Variants in ZFHX4 observed in about 807,000 individuals in gnomAD.
The protein encoded by ZFHX4 is zinc finger homeobox protein 4.
ZFHX4 carries 56 observed loss-of-function variants against 267.6 expected under a neutral mutation model. That is an observed-to-expected ratio of 0.21 (90% CI 0.17 to 0.26). The LOEUF (loss-of-function observed/expected upper bound fraction) is 0.26, where lower values mean the gene tolerates loss of function less well. Ranked by LOEUF, ZFHX4 falls within the 10% of genes least tolerant of loss-of-function variation. The probability of loss-of-function intolerance (pLI) is 1.00; values close to 1 mark genes in which losing one functional copy is unlikely to be tolerated. For synonymous variants in ZFHX4, 1,778 were observed against 1,665.6 expected, an observed-to-expected ratio of 1.07 and a Z score of -1.64; for missense variants, 4,332 against 4,420.0, an observed-to-expected ratio of 0.98 and a Z score of 0.56.
Position 76,705,781 on chromosome 8 carries a change from A to G in ZFHX4, c.1693A>G (p.Ser565Gly). Residue 565 changes from serine to glycine, a missense_variant, in exon 2 of 11, where the codon AGT becomes GGT. By Grantham distance (56) the Ser-to-Gly change is moderately conservative. This residue lies in a region of ZFHX4 where 1,195 missense variants were observed against 1,173.6 expected (regional missense o/e 1.02). Coordinates refer to ENST00000651372, the MANE Select transcript of ZFHX4 (RefSeq NM_024721.5). ...CAAGGACTTTGCAGACGCAAGTGCC[A>G]GTAAAGACAGTGCCACAGCTGCTCA... ...SGKDFADASA[S>G]KDSATAAHPS... The G allele has an allele frequency of 1.2e-6, 2 of 1,614,026 alleles. No homozygotes were observed. The highest frequency in any genetic ancestry group is 1.7e-6 in the Non-Finnish European group (2 of 1,179,898).
At chr8:76,732,024 T>G (rs1211399297) in intron 3 of ZFHX4, among the ~76,000 whole-genome samples, 1 of 152,046 alleles carries the variant, frequency 6.6e-6, no homozygotes, top group African/African-American at 2.4e-5. Flanking sequence ...GTATTTTTAG[T>G]AGAGACAGGA....
chr8:76,764,531 A>C (rs182325374), intron 3 of ZFHX4, among the ~76,000 whole-genome samples: 1 of 152,212 alleles, frequency 6.6e-6, no homozygotes, highest in Non-Finnish European at 1.5e-5. Context: ...TATTGAAAAC[A>C]ATGGTCTTGA....
chr8:76,818,420 G>A (rs1811561013), intron 4 of ZFHX4, among the ~76,000 whole-genome samples: 2 of 152,162 alleles, frequency 1.3e-5, no homozygotes, highest in African/African-American at 4.8e-5. Context: ...ATTATGGAAT[G>A]CCTTGAAGAC....
intron 3 of ZFHX4, among the ~76,000 whole-genome samples, chr8:76,762,526 C>T (rs1487806388): frequency 2.0e-5 from 3 of 152,132 alleles, no homozygotes; most frequent in East Asian, 3.9e-4. Flanking sequence ...AGTAGGAATT[C>T]ATCATGTGAA....
At position 76,867,055 on chromosome 8, in the gene ZFHX4, T is replaced by G. The variant is rs576112036; in HGVS notation, c.*2490T>G. 64 of 152,756 alleles carry G rather than the reference T, an allele frequency of 4.2e-4. No individual in the cohort carries two copies. The highest frequency in any genetic ancestry group is 1.3e-3 in the African/African-American group (52 of 41,580). 9.5% of individuals were successfully genotyped at this position (152,756 alleles called of 1,614,324 possible). On this transcript the variant is annotated 3_prime_UTR_variant, in exon 11 of 11. Transcript: ENST00000651372. ...AAAAATGTTATTGATGTTTTATATA[T>G]AGAGAGTAGTCTCATTAGTTTTTGT...
At chr8:76,711,050 G>A (rs372907925) in intron 3 of ZFHX4, among the ~76,000 whole-genome samples, 1 of 152,094 alleles carries the variant, frequency 6.6e-6, no homozygotes, top group Non-Finnish European at 1.5e-5. Context: ...TAGAAGGCTT[G>A]TGGGTTATGG....
At chr8:76,738,627 T>TTCCTTCCTTCCTTCCTTCCTTCC (rs1563493526) in intron 3 of ZFHX4, among the ~76,000 whole-genome samples, 4 of 98,822 alleles carry the variant, frequency 4.0e-5, no homozygotes, top group Non-Finnish European at 6.1e-5. Flanking sequence ...TCCTTCCTTC[T>TTCCTTCCTTCCTTCCTTCCTTCC]TTCCTTCCTT....
intron 3 of ZFHX4, among the ~76,000 whole-genome samples, chr8:76,753,752 G>A (rs1471294376): frequency 1.3e-5 from 2 of 149,958 alleles, no homozygotes; most frequent in East Asian, 2.0e-4. Flanking sequence ...AGCCTCCTGA[G>A]TAGCTAGGAC....
chr8:76,823,102 T>A (rs929627387), intron 4 of ZFHX4, among the ~76,000 whole-genome samples: 1 of 151,948 alleles, frequency 6.6e-6, no homozygotes, highest in Non-Finnish European at 1.5e-5. Context: ...AGTTATAATT[T>A]GAAGTGTGAT....
chr8:76,832,736 G>A (rs930505171), intron 4 of ZFHX4, among the ~76,000 whole-genome samples: 3 of 152,100 alleles, frequency 2.0e-5, no homozygotes, highest in East Asian at 3.9e-4. Context: ...AAGGAATCAC[G>A]CAGTTAGTTG....
rs547038236 is a variant in ZFHX4 at position 76,703,217 on chromosome 8, T to C, written c.-46-826T>C. Among the ~76,000 whole-genome samples, 5 of 152,174 alleles carry C rather than the reference T, an allele frequency of 3.3e-5. No homozygotes were observed. The South Asian group carries it at 1.0e-3, about 32-fold the overall frequency. On this transcript the variant is annotated intron_variant, in intron 1 of 10. Coordinates refer to ENST00000651372, the MANE Select transcript of ZFHX4 (RefSeq NM_024721.5). ...CCAGGGGAGATGTCGATTGAGGCAG[T>C]GGTTGAGAGATGGGCAACTCACCAG...
chr8:76,781,545 C>A (rs1374270028), intron 4 of ZFHX4, among the ~76,000 whole-genome samples: 1 of 152,008 alleles, frequency 6.6e-6, no homozygotes, highest in East Asian at 1.9e-4. Context: ...GGTTTCTTAA[C>A]TTTTCATTTG....
At chr8:76,848,144 G>C (rs1812411928) in intron 6 of ZFHX4, among the ~76,000 whole-genome samples, 1 of 152,138 alleles carries the variant, frequency 6.6e-6, no homozygotes, top group Non-Finnish European at 1.5e-5. Context: ...TGGTAAATGA[G>C]GTTTTGTGTT....
At chr8:76,700,166 A>T (rs1177207374) in intron 1 of ZFHX4, among the ~76,000 whole-genome samples, 3 of 152,082 alleles carry the variant, frequency 2.0e-5, no homozygotes, top group Non-Finnish European at 2.9e-5. Flanking sequence ...CCAAATTATC[A>T]TGTAAGTGGA....
At chr8:76,782,873 C>G (rs1321486402) in intron 4 of ZFHX4, among the ~76,000 whole-genome samples, 1 of 151,914 alleles carries the variant, frequency 6.6e-6, no homozygotes, top group Non-Finnish European at 1.5e-5. Context: ...TTTTAAGGGA[C>G]TCTATTGATA....
chr8:76,727,862 C>T (rs915842612), intron 3 of ZFHX4, among the ~76,000 whole-genome samples: 8 of 152,172 alleles, frequency 5.3e-5, no homozygotes, highest in African/African-American at 1.4e-4. Context: ...CGTTCCTCCC[C>T]GAGGCTCAGC....
At chr8:76,781,486 A>G (rs1810545321) in intron 4 of ZFHX4, among the ~76,000 whole-genome samples, 2 of 152,210 alleles carry the variant, frequency 1.3e-5, no homozygotes, top group South Asian at 4.1e-4. Flanking sequence ...GAAAAAATTG[A>G]TATTTAGAAT....
At chr8:76,786,567 T>C (rs750030676) in intron 4 of ZFHX4, among the ~76,000 whole-genome samples, 10 of 152,158 alleles carry the variant, frequency 6.6e-5, no homozygotes, top group Non-Finnish European at 1.0e-4. Flanking sequence ...TTAATAGTTA[T>C]ATCTTTTAGT....
chr8:76,732,445 C>T (rs931882981), intron 3 of ZFHX4, among the ~76,000 whole-genome samples: 57 of 151,644 alleles, frequency 3.8e-4, no homozygotes, highest in African/African-American at 1.3e-3. Flanking sequence ...TAAAATGTAG[C>T]TAAAAATTAA....
Sources: allele counts gnomAD v4.1 joint callset (sites outside exome capture counted in the v4.1 genomes callset), GRCh38; gene constraint gnomAD v4.1.1; regional missense constraint gnomAD v4.1.1; transcripts MANE v1.5; gene names NCBI Gene and HGNC (gene_info 2026-07-23, HGNC 2026-07-21).